Variants in SRGAP2B observed in about 807,000 individuals in gnomAD.
SRGAP2B encodes SLIT-ROBO Rho GTPase-activating protein 2B.
SRGAP2B carries 9 observed loss-of-function variants against 22.2 expected under a neutral mutation model. The ratio of observed to expected loss-of-function variants is 0.41; its 90% confidence interval spans 0.24 to 0.71. The LOEUF is 0.71. Among genes scored for constraint, SRGAP2B ranks in the 30% least tolerant of loss-of-function variants. The probability of loss-of-function intolerance (pLI) is 0.35; values close to 1 mark genes in which losing one functional copy is unlikely to be tolerated. For missense variants in SRGAP2B, 114 were observed against 235.8 expected (o/e 0.48, Z 3.38); for synonymous variants, 36 against 87.4 (o/e 0.41, Z 3.28).
intron 3 of SRGAP2B, among the ~76,000 whole-genome samples, chr1:144,972,776 C>A (rs1668621362): frequency 1.3e-5 from 2 of 149,262 alleles, no homozygotes; most frequent in South Asian, 4.2e-4. Context: ...ACTAGCATTT[C>A]TCAAAAAATT....
At chr1:145,001,886 G>A (rs1392499005) in intron 2 of SRGAP2B, among the ~76,000 whole-genome samples, 1 of 149,782 alleles carries the variant, frequency 6.7e-6, no homozygotes, top group Non-Finnish European at 1.5e-5. Flanking sequence ...AGCTGGGGGG[G>A]TGGTGCATGC....
intron 3 of SRGAP2B, among the ~76,000 whole-genome samples, chr1:144,990,707 C>T (rs1383310739): frequency 4.6e-5 from 7 of 150,960 alleles, no homozygotes; most frequent in African/African-American, 1.7e-4. Context: ...GCTGGAGTTC[C>T]GGGTGGGCTT....
intron 2 of SRGAP2B, among the ~76,000 whole-genome samples, chr1:145,067,309 A>G (rs1458253597): frequency 6.7e-6 from 1 of 149,074 alleles, no homozygotes; most frequent in African/African-American, 2.5e-5. Flanking sequence ...AAAAAAAATT[A>G]GAAAACTAAT....
At chr1:144,944,723 A>T (rs1322574117) in intron 4 of SRGAP2B, among the ~76,000 whole-genome samples, 2 of 82,562 alleles carry the variant, frequency 2.4e-5, no homozygotes, top group East Asian at 7.7e-4. Flanking sequence ...TTATTTATTT[A>T]TTTTTTGAGA....
At chr1:145,044,301 T>C (rs1370380641) in intron 2 of SRGAP2B, among the ~76,000 whole-genome samples, 2 of 124,694 alleles carry the variant, frequency 1.6e-5, no homozygotes, top group Admixed American at 1.6e-4. Context: ...GAGATACTTA[T>C]TAACCTGAGA....
chr1:144,944,006 C>T (rs1666278350), intron 4 of SRGAP2B, among the ~76,000 whole-genome samples: 1 of 149,730 alleles, frequency 6.7e-6, no homozygotes, highest in South Asian at 2.1e-4. Flanking sequence ...CCCAGAAAGG[C>T]CATGCCTTAA....
intron 4 of SRGAP2B, among the ~76,000 whole-genome samples, chr1:144,932,318 AG>A (rs1665253909): frequency 6.6e-6 from 1 of 150,898 alleles, no homozygotes; most frequent in African/African-American, 2.5e-5. Flanking sequence ...CAGGCGCTAC[AG>A]GGCTCCTCAA....
intron 4 of SRGAP2B, among the ~76,000 whole-genome samples, chr1:144,915,773 G>A (rs1553603798): frequency 1.3e-5 from 2 of 150,780 alleles, no homozygotes; most frequent in African/African-American, 2.5e-5. Context: ...GAAGCAGGAA[G>A]GAAATTGTCA....
In SRGAP2B at chr1:145,044,650, TAAAAAAAAAAAAAAAAAAAAAAAAAAAAA is replaced by T. The variant is rs1184404731; in HGVS notation, c.67+48156_67+48184del. On this transcript the variant is annotated intron_variant, in intron 2 of 9. Coordinates refer to ENST00000612199, the Ensembl canonical transcript of SRGAP2B. ...TATATTTTATATTTGAACCCCCTCC[TAAAAAAAAAAAAAAAAAAAAAAAAAAAAA>T]AAAAAAAAAAAAAAAAAAAAACAGA... Among the ~76,000 whole-genome samples the T allele has an allele frequency of 7.5e-3, 229 of 30,602 alleles. 1 individual carries two copies. The highest frequency in any genetic ancestry group is 0.027 in the African/African-American group (202 of 7,526). The allele number at this position is 30,602 out of a possible 152,430, so 20.1% of individuals were successfully genotyped here.
chr1:145,041,649 ACT>A (rs1649269288), intron 2 of SRGAP2B, among the ~76,000 whole-genome samples: 1 of 126,818 alleles, frequency 7.9e-6, no homozygotes, highest in African/African-American at 3.4e-5. Context: ...ACAGAGCAAG[ACT>A]CTGTCTCATA....
At chr1:145,084,737 G>T (rs1653242533) in intron 2 of SRGAP2B, among the ~76,000 whole-genome samples, 1 of 152,056 alleles carries the variant, frequency 6.6e-6, no homozygotes, top group South Asian at 2.1e-4. Flanking sequence ...TGAGAATGAA[G>T]TTCATGTCTA....
At chr1:144,985,258 T>C (rs1553615745) in intron 3 of SRGAP2B, among the ~76,000 whole-genome samples, 2 of 135,788 alleles carry the variant, frequency 1.5e-5, no homozygotes, top group African/African-American at 6.0e-5. Flanking sequence ...GAACAAAACC[T>C]CTAAAATAGT....
intron 4 of SRGAP2B, among the ~76,000 whole-genome samples, chr1:144,943,767 G>A (rs1348897501): frequency 6.7e-6 from 1 of 148,824 alleles, no homozygotes; most frequent in Non-Finnish European, 1.5e-5. Flanking sequence ...GTTCATAGCA[G>A]CATTATTTAT....
intron 4 of SRGAP2B, among the ~76,000 whole-genome samples, chr1:144,942,665 C>T (rs1379707950): frequency 1.3e-5 from 2 of 150,934 alleles, no homozygotes; most frequent in Admixed American, 6.6e-5. Context: ...GGTGATCCAC[C>T]TGCCTCCACC....
chr1:144,925,570 G>A (rs1368606956), intron 4 of SRGAP2B, among the ~76,000 whole-genome samples: 4 of 143,278 alleles, frequency 2.8e-5, no homozygotes, highest in Non-Finnish European at 5.9e-5. Context: ...CTTGAACCCA[G>A]GAGGCAGAGG....
At chr1:144,990,955 G>GC (rs1360020866) in intron 3 of SRGAP2B, among the ~76,000 whole-genome samples, 4 of 150,778 alleles carry the variant, frequency 2.7e-5, no homozygotes, top group African/African-American at 9.9e-5. Flanking sequence ...CTCCTGTGCG[G>GC]CCGGAGCCTC....
intron 2 of SRGAP2B, among the ~76,000 whole-genome samples, chr1:145,012,435 A>G (rs1299045397): frequency 6.7e-6 from 1 of 148,204 alleles, no homozygotes; most frequent in Non-Finnish European, 1.5e-5. Flanking sequence ...TTCCTTTAAA[A>G]ATTAAAAAAG....
chr1:144,917,495 T>C (rs1184212317), intron 4 of SRGAP2B, among the ~76,000 whole-genome samples: 1 of 130,126 alleles, frequency 7.7e-6, no homozygotes, highest in Non-Finnish European at 1.6e-5. Flanking sequence ...CCTATTCCTC[T>C]ACCCTGTTGC....
At chr1:144,965,903 A>G (rs1262007608) in intron 3 of SRGAP2B, among the ~76,000 whole-genome samples, 1 of 148,744 alleles carries the variant, frequency 6.7e-6, no homozygotes, top group African/African-American at 2.6e-5. Flanking sequence ...ATGGAAGATG[A>G]AATGAATGAA....
Sources: gnomAD v4.1 joint callset for allele counts (sites outside exome capture counted in the v4.1 genomes callset) on GRCh38, gnomAD v4.1.1 for gene constraint, MANE v1.5 for transcripts, NCBI Gene and HGNC (gene_info 2026-07-23, HGNC 2026-07-21) for gene names.